Variants in CALN1 observed in about 807,000 individuals in gnomAD.
CALN1 encodes the protein calneuron 1.
CALN1 carries 17 observed loss-of-function variants against 30.6 expected under a neutral mutation model. The observed-to-expected ratio is 0.56, with a 90% confidence interval of 0.38 to 0.83. The LOEUF (loss-of-function observed/expected upper bound fraction) is 0.83, where lower values mean the gene tolerates loss of function less well. Among genes scored for constraint, CALN1 ranks in the 40% least tolerant of loss-of-function variants. CALN1 has a pLI of 0.00. For synonymous variants in CALN1, 156 were observed against 131.4 expected, an observed-to-expected ratio of 1.19 and a Z score of -1.28; for missense variants, 291 against 354.9, an observed-to-expected ratio of 0.82 and a Z score of 1.45.
chr7:71,805,899 A>G (rs1489310243), intron 6 of CALN1, among the ~76,000 whole-genome samples: 2 of 152,188 alleles, frequency 1.3e-5, no homozygotes, highest in African/African-American at 2.4e-5. Flanking sequence ...ATGGCATACT[A>G]TGCAGCCATA....
chr7:72,164,973 G>A (rs1406350000), intron 3 of CALN1, among the ~76,000 whole-genome samples: 1 of 152,128 alleles, frequency 6.6e-6, no homozygotes, highest in African/African-American at 2.4e-5. Context: ...GGGATTACAG[G>A]CATAAGCCAC....
chr7:71,814,540 A>G lies in CALN1; in HGVS notation c.502-4048T>C, dbSNP rs147574976. On this transcript the variant is annotated intron_variant, in intron 5 of 6. Coordinates refer to ENST00000395275, the MANE Select transcript of CALN1 (RefSeq NM_031468.4). ...GTAACAGGGTCTATTATTTCCAGCT[A>G]TAATTGAGCCTTGAAAAACATGGGT... 7.0e-3 allele frequency among the ~76,000 whole-genome samples: 1,073 copies of G among 152,220 alleles called. 8 individuals are homozygous for G. The highest frequency in any genetic ancestry group is 9.5e-3 in the Non-Finnish European group (647 of 68,020).
chr7:72,384,377 C>T (rs1051526077), intron 2 of CALN1, among the ~76,000 whole-genome samples: 1 of 151,958 alleles, frequency 6.6e-6, no homozygotes, highest in Admixed American at 6.6e-5. Flanking sequence ...ACTGAATGAT[C>T]GTACACAAAG....
chr7:72,301,116 G>T (rs1176793530), intron 2 of CALN1, among the ~76,000 whole-genome samples: 1 of 152,182 alleles, frequency 6.6e-6, no homozygotes, highest in Non-Finnish European at 1.5e-5. Flanking sequence ...ACGTAATTGG[G>T]CAGACAGAAG....
the CALN1 span, among the ~76,000 whole-genome samples, chr7:72,475,941 C>CTCTTTTT: frequency 1.0e-3 from 77 of 75,892 alleles, 2 homozygotes; most frequent in African/African-American, 4.4e-3. Context: ...CTCTCTCTCT[C>CTCTTTTT]TTTTTTTTTT....
chr7:71,800,497 G>A (rs1188874936), intron 6 of CALN1, among the ~76,000 whole-genome samples: 2 of 152,072 alleles, frequency 1.3e-5, no homozygotes, highest in African/African-American at 2.4e-5. Flanking sequence ...TGCCTCTCCC[G>A]TGCCGGTTGT....
chr7:72,388,817 C>T (rs990131262), intron 2 of CALN1, among the ~76,000 whole-genome samples: 1 of 152,146 alleles, frequency 6.6e-6, no homozygotes, highest in African/African-American at 2.4e-5. Context: ...CAGGTGTGCA[C>T]TGGCTGGCCA....
At chr7:72,253,023 G>T (rs913228454) in intron 3 of CALN1, among the ~76,000 whole-genome samples, 3 of 152,184 alleles carry the variant, frequency 2.0e-5, no homozygotes, top group African/African-American at 7.2e-5. Context: ...GAAACTGAGG[G>T]TCAGAGAAGG....
Position 72,278,783 on chromosome 7 carries a change from G to T in CALN1, c.147C>A (p.Thr49=). Residue 49 remains threonine (T), a synonymous_variant, in exon 3 of 7, where the codon ACC becomes ACA. Coordinates refer to ENST00000395275, the MANE Select transcript of CALN1 (RefSeq NM_031468.4). ...AATTCCCCTTGTACAACAAGCCGGC[G>T]GTCACATGGTGGAACGGCATCTTTT... ...TWEKMPFHHV[T]AGLLYKGNYL... 6.2e-7 allele frequency: 1 copy of T among 1,613,676 alleles called. No homozygotes were observed. Among genetic ancestry groups the T allele is most frequent in the South Asian group, 1.1e-5 (1 of 91,062 alleles).
At chr7:72,364,716 G>C (rs1803778834) in intron 2 of CALN1, among the ~76,000 whole-genome samples, 1 of 152,196 alleles carries the variant, frequency 6.6e-6, no homozygotes, top group Non-Finnish European at 1.5e-5. Context: ...AGTGAGGTAT[G>C]GGTGTGTTAA....
intron 1 of CALN1, among the ~76,000 whole-genome samples, chr7:72,440,836 CAAT>C (rs1248639323): frequency 6.6e-6 from 1 of 152,014 alleles, no homozygotes; most frequent in African/African-American, 2.4e-5. Flanking sequence ...CAAAAACAAA[CAAT>C]AATAATAATA....
At chr7:72,193,004 A>G (rs1484873144) in intron 3 of CALN1, among the ~76,000 whole-genome samples, 4 of 152,058 alleles carry the variant, frequency 2.6e-5, no homozygotes, top group East Asian at 3.9e-4. Context: ...TCTGGCCAAC[A>G]TGGCAAAATC....
chr7:72,352,241 T>G (rs1802962178), intron 2 of CALN1, among the ~76,000 whole-genome samples: 1 of 150,968 alleles, frequency 6.6e-6, no homozygotes, highest in African/African-American at 2.4e-5. Context: ...GTACCAAAAT[T>G]AGCCAGGCGT....
At chr7:72,425,487 A>T (rs1807773478) in intron 1 of CALN1, among the ~76,000 whole-genome samples, 1 of 152,206 alleles carries the variant, frequency 6.6e-6, no homozygotes, top group Non-Finnish European at 1.5e-5. Context: ...AATAAGTGCC[A>T]TGCCTCATTA....
intron 4 of CALN1, among the ~76,000 whole-genome samples, chr7:72,025,761 C>G (rs181273715): frequency 2.0e-5 from 3 of 152,156 alleles, no homozygotes; most frequent in Admixed American, 6.5e-5. Flanking sequence ...AGAGTTTGTC[C>G]AAATGCCCAC....
At chr7:72,178,426 C>A (rs1789523958) in intron 3 of CALN1, among the ~76,000 whole-genome samples, 1 of 152,140 alleles carries the variant, frequency 6.6e-6, no homozygotes, top group Admixed American at 6.5e-5. Context: ...GGAGCGGTGG[C>A]TCATGTCTGT....
At chr7:72,065,132 A>G (rs1803932135) in intron 4 of CALN1, among the ~76,000 whole-genome samples, 1 of 148,382 alleles carries the variant, frequency 6.7e-6, no homozygotes, top group African/African-American at 2.4e-5. Context: ...TGTAAAATAT[A>G]TTTATATTTT....
chr7:72,215,510 C>T (rs1033697001), intron 3 of CALN1, among the ~76,000 whole-genome samples: 2 of 147,852 alleles, frequency 1.4e-5, no homozygotes, highest in African/African-American at 5.0e-5. Context: ...AGGAGAATCA[C>T]TTGAACCCAA....
At chr7:72,259,559 T>C (rs1246433785) in intron 3 of CALN1, among the ~76,000 whole-genome samples, 3 of 151,938 alleles carry the variant, frequency 2.0e-5, no homozygotes, top group African/African-American at 7.3e-5. Context: ...GGCTTTGGAG[T>C]CTGATTAAGC....
Sources: gnomAD v4.1 joint callset for allele counts (sites outside exome capture counted in the v4.1 genomes callset) on GRCh38, gnomAD v4.1.1 for gene constraint, MANE v1.5 for transcripts, NCBI Gene and HGNC (gene_info 2026-07-23, HGNC 2026-07-21) for gene names.